Variants in MTMR10 observed in about 807,000 individuals in gnomAD.
The protein encoded by MTMR10 is myotubularin related protein 10.
In MTMR10, 56 loss-of-function variants were observed where a neutral mutation model predicts 88.1. The observed-to-expected ratio is 0.64, with a 90% confidence interval of 0.51 to 0.79. MTMR10 has a LOEUF of 0.79. Ranked by LOEUF, MTMR10 falls within the 30% of genes least tolerant of loss-of-function variation. MTMR10 has a pLI of 0.00. For missense variants in MTMR10, 883 were observed against 924.7 expected, an observed-to-expected ratio of 0.95 and a Z score of 0.58; for synonymous variants, 380 against 340.9, an observed-to-expected ratio of 1.11 and a Z score of -1.26.
intron 2 of MTMR10, among the ~76,000 whole-genome samples, chr15:30,979,287 C>A (rs369188329): frequency 6.6e-6 from 1 of 152,158 alleles, no homozygotes; most frequent in Non-Finnish European, 1.5e-5. Flanking sequence ...CACTTAAAGG[C>A]TGGGCGTGGT....
At chr15:30,936,717 C>T (rs1271251394), downstream of MTMR10, among the ~76,000 whole-genome samples, 2 of 152,192 alleles carry the variant, frequency 1.3e-5, no homozygotes, top group African/African-American at 2.4e-5. Context: ...TTAGCTTAGC[C>T]TACCTTAAAT....
In MTMR10 at chr15:30,953,611, C is replaced by G. The variant is rs1428311703; in HGVS notation, c.1087G>C (p.Glu363Gln). The change falls in exon 11 of 16, where the codon GAG becomes CAG. Residue 363 changes from glutamate (E) to glutamine (Q), a missense_variant. Glu to Gln is a conservative substitution (Grantham distance 29). Transcript: ENST00000435680. ...TTTTCCAGTGAAGATAACCATTTCT[C>G]TTCAGTTTCTTCAAAAGGCTCTGTA... is the stretch of plus-strand genomic sequence containing the variant. The part of the protein sequence containing the change: ...CVNEPFEETE[E>Q]KWLSSLENTR... The G allele has an allele frequency of 1.2e-5, 18 of 1,543,764 alleles. No individual in the cohort carries two copies. The highest frequency in any genetic ancestry group is 1.6e-5 in the Non-Finnish European group (18 of 1,139,588).
intron 9 of MTMR10, among the ~76,000 whole-genome samples, chr15:30,956,657 G>A (rs535587543): frequency 6.6e-6 from 1 of 152,336 alleles, no homozygotes; most frequent in East Asian, 1.9e-4. Context: ...AGGGAAAAAG[G>A]TTAGGAGACG....
downstream of MTMR10, among the ~76,000 whole-genome samples, chr15:30,938,133 G>A (rs369643468): frequency 2.0e-5 from 3 of 151,646 alleles, no homozygotes; most frequent in Admixed American, 6.6e-5. Flanking sequence ...GCAGTGAGCC[G>A]AGATTGCACC....
intron 2 of MTMR10, among the ~76,000 whole-genome samples, chr15:30,984,614 T>C (rs144217432): frequency 3.8e-4 from 58 of 152,152 alleles, no homozygotes; most frequent in African/African-American, 1.4e-3. Flanking sequence ...TTGTAAAAAA[T>C]AAACAAGACA....
chr15:30,925,722 T>C, the MTMR10 span: 2 of 1,570,462 alleles, frequency 1.3e-6, no homozygotes, highest in Middle Eastern at 1.7e-4. Flanking sequence ...CTCACGATGC[T>C]ACAGGCAGGT....
At chr15:30,928,406 C>T in the MTMR10 span, 1 of 1,473,710 alleles carries the variant, frequency 6.8e-7, no homozygotes, top group East Asian at 2.4e-5. Context: ...GGCGTGAAAA[C>T]AGCATTTGCT....
At chr15:30,925,210 C>T in the MTMR10 span, 2 of 1,614,064 alleles carry the variant, frequency 1.2e-6, no homozygotes, top group East Asian at 4.5e-5. Flanking sequence ...GAGCCGTGCG[C>T]CTGCGAGAGT....
the MTMR10 span, among the ~76,000 whole-genome samples, chr15:30,920,969 A>C: frequency 2.0e-5 from 3 of 152,100 alleles, no homozygotes; most frequent in Non-Finnish European, 1.5e-5. Flanking sequence ...TTTTTAGTAG[A>C]GGTGAGATTT....
chr15:30,932,610 A>G, the MTMR10 span, among the ~76,000 whole-genome samples: 1 of 152,048 alleles, frequency 6.6e-6, no homozygotes, highest in African/African-American at 2.4e-5. Flanking sequence ...AAGGCTGTTC[A>G]TATTATCTGT....
At chr15:30,942,110 C>G in intron 15 of MTMR10, 38 bp from the exon 16 acceptor site, 1 of 1,568,846 alleles carries the variant, frequency 6.4e-7, no homozygotes, top group East Asian at 2.3e-5. Flanking sequence ...CGGGGATTCC[C>G]TTTTTAGAAA....
intron 2 of MTMR10, among the ~76,000 whole-genome samples, chr15:30,981,486 T>C (rs1409357537): frequency 6.6e-6 from 1 of 152,234 alleles, no homozygotes; most frequent in East Asian, 1.9e-4. Flanking sequence ...AACCTCTGCT[T>C]AATCAAAAGA....
chr15:30,943,841 GT>G, intron 14 of MTMR10: 1 of 985,432 alleles, frequency 1.0e-6, no homozygotes, highest in Non-Finnish European at 1.2e-6. Context: ...ATGAAGCACA[GT>G]CACATTTAGC....
chr15:30,954,492 A>G (rs964262521), intron 10 of MTMR10, among the ~76,000 whole-genome samples: 1 of 152,202 alleles, frequency 6.6e-6, no homozygotes, highest in African/African-American at 2.4e-5. Flanking sequence ...TACTCAGCAA[A>G]TGCTTTTATA....
chr15:30,940,480 G>A lies in MTMR10; in HGVS notation c.*990C>T, dbSNP rs775898041. The stretch of plus-strand genomic sequence containing the variant: ...GGACATCTGTGCAGGTGCCCAACTC[G>A]TAACCTCATTAGTTATTTCCAGGGG... On this transcript the variant is annotated 3_prime_UTR_variant, in exon 16 of 16. Coordinates refer to ENST00000435680, the MANE Select transcript of MTMR10 (RefSeq NM_017762.3). 3.6e-5 allele frequency: 35 copies of A among 985,270 alleles called. No individual in the cohort carries two copies. Among genetic ancestry groups the A allele is most frequent in the South Asian group, 9.4e-5 (2 of 21,292 alleles). The allele number at this position is 985,270 out of a possible 1,614,324, so 61.0% of individuals were successfully genotyped here.
intron 9 of MTMR10, chr15:30,956,195 C>T (rs2063325765): frequency 1.3e-5 from 2 of 152,100 alleles, no homozygotes; most frequent in Non-Finnish European, 2.9e-5. Flanking sequence ...TGTACATTTG[C>T]TTGATAAACT....
At chr15:30,972,539 C>T (rs1051415240) in intron 5 of MTMR10, among the ~76,000 whole-genome samples, 1 of 151,978 alleles carries the variant, frequency 6.6e-6, no homozygotes, top group African/African-American at 2.4e-5. Flanking sequence ...TTAGTAAGGC[C>T]CTCTTCATGA....
At chr15:30,970,756 A>G (rs1316899166) in intron 5 of MTMR10, among the ~76,000 whole-genome samples, 1 of 152,156 alleles carries the variant, frequency 6.6e-6, no homozygotes, top group Non-Finnish European at 1.5e-5. Context: ...AACCCAACAC[A>G]GCGTATTTTT....
intron 15 of MTMR10, chr15:30,942,375 G>GT: frequency 2.3e-6 from 1 of 440,326 alleles, no homozygotes; most frequent in Non-Finnish European, 4.0e-6. Context: ...ACTAGACCTG[G>GT]CCGATTCTAT....
Sources: gnomAD v4.1 joint callset for allele counts (sites outside exome capture counted in the v4.1 genomes callset) on GRCh38, gnomAD v4.1.1 for gene constraint, MANE v1.5 for transcripts, NCBI Gene and HGNC (gene_info 2026-07-23, HGNC 2026-07-21) for gene names.